The following COL16A1 variants were observed in gnomAD, a reference collection of about 807,000 sequenced individuals.
COL16A1 encodes collagen alpha-1(XVI) chain.
Under a neutral mutation model 266.3 loss-of-function variants are expected in COL16A1, and 189 were observed. The observed-to-expected ratio is 0.71, with a 90% CI of 0.63 to 0.80. The LOEUF is 0.80. Ranked by LOEUF, COL16A1 falls within the 30% of genes least tolerant of loss-of-function variation. The pLI, the probability that COL16A1 is intolerant of heterozygous loss-of-function variation, is 0.00. For synonymous variants in COL16A1, 740 were observed against 782.3 expected, an observed-to-expected ratio of 0.95 and a Z score of 0.90; for missense variants, 1,928 against 2,122.4, an observed-to-expected ratio of 0.91 and a Z score of 1.80.
intron 39 of COL16A1, 87 bp downstream of exon 39, chr1:31,680,818 T>C: frequency 6.2e-7 from 1 of 1,604,954 alleles, no homozygotes; most frequent in Non-Finnish European, 8.5e-7. Context: ...GAGGGGCTGC[T>C]AATCCCCCAG....
intron 37 of COL16A1, 68 bp from the exon 38 acceptor site, chr1:31,681,135 A>G: frequency 6.5e-7 from 1 of 1,543,794 alleles, no homozygotes; most frequent in African/African-American, 1.4e-5. Flanking sequence ...CCTGCTGCAG[A>G]AAAGGGGTGT....
chr1:31,691,420 G>C lies in COL16A1; in HGVS notation c.1395C>G (p.Thr465=), dbSNP rs2148806329. 1.2e-6 allele frequency: 2 copies of C among 1,609,906 alleles called. No individual in the cohort carries two copies. Among genetic ancestry groups the C allele is most frequent in the Middle Eastern group, 1.7e-4 (1 of 6,036 alleles). ...PGPPGIGLPG[T]PGDPGGPPGP... is the part of the protein sequence containing the mutation. ...GGAGAAGCAAGGGGGTACTCACCGG[G>C]GTCCCAGGCAGTCCTATCCCAGGGG... The change falls in exon 19 of 71, where the codon ACC becomes ACG. Residue 465 remains threonine (T), a synonymous_variant. Transcript: ENST00000373672.
At chr1:31,686,485 C>T (rs985565015) in intron 26 of COL16A1, 1 of 729,786 alleles carries the variant, frequency 1.4e-6, no homozygotes, top group African/African-American at 1.7e-5. Flanking sequence ...CCCAGCTTCA[C>T]CTCATGGAAT....
In COL16A1 at chr1:31,663,292, T is replaced by A. The variant is rs1248823117; in HGVS notation, c.3556-634A>T. Reference sequence around the variant, plus strand: ...GGGAGCAGTTCCCTCTGGCTGGGGATCAGGGAAAGTGTCACAGAAGTGTCA... The same window carrying A: ...GGGAGCAGTTCCCTCTGGCTGGGGAACAGGGAAAGTGTCACAGAAGTGTCA... On this transcript the variant is annotated intron_variant, in intron 56 of 70. Transcript: ENST00000373672. The surrounding 1 kb of genome is among the most constrained non-coding windows in gnomAD (Gnocchi z 4.9). 1 of 152,880 alleles carries A rather than the reference T, an allele frequency of 6.5e-6. No homozygotes were observed. The highest frequency in any genetic ancestry group is 1.5e-5 in the Non-Finnish European group (1 of 68,626). The allele number at this position is 152,880 out of a possible 1,614,324, so 9.5% of individuals were successfully genotyped here.
intron 67 of COL16A1, 33 bp downstream of exon 67, chr1:31,655,281 A>T: frequency 6.2e-7 from 1 of 1,600,718 alleles, no homozygotes; most frequent in Non-Finnish European, 8.5e-7. Context: ...GCTCTATGGG[A>T]CAGTGCCCAC....
chr1:31,672,530 G>C, intron 46 of COL16A1, 28 bp from the exon 47 acceptor site: 1 of 1,613,980 alleles, frequency 6.2e-7, no homozygotes, highest in Non-Finnish European at 8.5e-7. Context: ...CGGTGATAGT[G>C]AGCAGTCAGG....
rs116832705 is a variant in COL16A1 at position 31,657,689 on chromosome 1, G to A, written c.4021-621C>T. ...CTGCTGCCCCCCAGAAAAAGTCTGC[G>A]TTGATGGAAAGCATCCTGATGGGTC... On this transcript the variant is annotated intron_variant, in intron 64 of 70. Coordinates refer to ENST00000373672, the MANE Select transcript of COL16A1 (RefSeq NM_001856.4). The surrounding 1 kb of genome is among the most constrained non-coding windows in gnomAD (Gnocchi z 6.4). Among the ~76,000 whole-genome samples, 282 of 152,340 alleles carry A rather than the reference G, an allele frequency of 1.9e-3. 2 individuals are homozygous for A. The highest frequency in any genetic ancestry group is 6.4e-3 in the African/African-American group (268 of 41,570).
At chr1:31,692,129 C>G (rs1644298766) in intron 16 of COL16A1, 62 bp from the exon 17 acceptor site, 1 of 1,610,348 alleles carries the variant, frequency 6.2e-7, no homozygotes, top group South Asian at 1.1e-5. Flanking sequence ...CTGGGCAGCT[C>G]CATCTGGTGG....
intron 1 of COL16A1, among the ~76,000 whole-genome samples, chr1:31,703,556 G>T (rs1481305624): frequency 1.3e-5 from 2 of 152,146 alleles, no homozygotes; most frequent in Non-Finnish European, 2.9e-5. Context: ...TCCCCTTCCG[G>T]CTCCTAGTCT....
intron 37 of COL16A1, among the ~76,000 whole-genome samples, chr1:31,682,158 T>C (rs910234416): frequency 1.1e-4 from 16 of 152,246 alleles, no homozygotes; most frequent in African/African-American, 3.6e-4. Context: ...AGCGGGTTCA[T>C]GTGGAGTAGA....
Position 31,668,926 on chromosome 1 carries a change from GC to G in COL16A1, c.3196-72del. The G allele has an allele frequency of 7.3e-7, 1 of 1,373,748 alleles. No homozygotes were observed. The highest frequency in any genetic ancestry group is 1.0e-6 in the Non-Finnish European group (1 of 986,982). The allele number at this position is 1,373,748 out of a possible 1,614,324, so 85.1% of individuals were successfully genotyped here. On this transcript the variant is annotated intron_variant, in intron 49 of 70. Coordinates refer to ENST00000373672, the MANE Select transcript of COL16A1 (RefSeq NM_001856.4). This position sits in a 1 kb window ranked among gnomAD's most constrained non-coding sequence, Gnocchi z 5.8. ...ACCCAGCCCCTGACTCCTTCCCCCT[GC>G]CCCACTGCCTTCTGTTCCCACTCCA...
In COL16A1 at chr1:31,687,812, C is replaced by T. The variant is rs141713263; in HGVS notation, c.1803+655G>A. ...CCCCTGTTAGGGTTGAGTCTGCACA[C>T]ATACTTCAGTGTTTCTCACACTTGA... On this transcript the variant is annotated intron_variant, in intron 26 of 70. Transcript: ENST00000373672. Among the ~76,000 whole-genome samples the T allele has an allele frequency of 1.2e-3, 182 of 152,304 alleles. 1 individual carries two copies. Among genetic ancestry groups the T allele is most frequent in the Middle Eastern group, 0.01 (3 of 294 alleles).
At chr1:31,684,702 G>A (rs956352510) in intron 30 of COL16A1, 72 bp from the exon 31 acceptor site, 2 of 1,607,844 alleles carry the variant, frequency 1.2e-6, no homozygotes, top group Middle Eastern at 1.7e-4. Context: ...GGGACTCGCA[G>A]GCACTCACAC....
chr1:31,698,031 G>T lies in COL16A1; in HGVS notation c.532C>A (p.Arg178Ser), dbSNP rs183118523. The T allele has an allele frequency of 6.3e-5, 102 of 1,613,738 alleles. No homozygotes were observed. The East Asian group carries it at 1.8e-3, about 29-fold the overall frequency. ...CAGTCCACGTGCACAGAGGCCACAC[G>T]TCCAGCCACACTCAGCATCAGCTTG... ...WHKLMLSVAG[R>S]VASVHVDCSS... The change falls in exon 6 of 71, where the codon CGT (arginine) becomes AGT (serine). Residue 178 changes from arginine to serine, a missense_variant. Physicochemically the swap from Arg to Ser is moderately radical, Grantham distance 110 (BLOSUM62 -1). Coordinates refer to ENST00000373672, the MANE Select transcript of COL16A1 (RefSeq NM_001856.4). The surrounding 1 kb of genome is among the most constrained non-coding windows in gnomAD (Gnocchi z 4.1).
intron 31 of COL16A1, 131 bp from the exon 32 acceptor site, chr1:31,684,362 C>G (rs1027623722): frequency 6.9e-7 from 1 of 1,455,520 alleles, no homozygotes; most frequent in African/African-American, 1.4e-5. Context: ...AAACAGGCCC[C>G]TGACACTCCT....
At chr1:31,701,581 T>A (rs1002086908) in intron 2 of COL16A1, 91 of 985,200 alleles carry the variant, frequency 9.2e-5, no homozygotes, top group Non-Finnish European at 1.1e-4. Context: ...ACCCTCTGTC[T>A]CATCCAGAGT....
Position 31,692,587 on chromosome 1 carries a change from C to T in COL16A1, c.1158+11G>A. ...CCACCATCCCTGCCCTATCCCTGGT[C>T]CCACACTCACCAGAGCTCCTGACTC... is the stretch of plus-strand genomic sequence containing the variant. On this transcript the variant is annotated intron_variant, in intron 15 of 70. Coordinates refer to ENST00000373672, the MANE Select transcript of COL16A1 (RefSeq NM_001856.4). The T allele has an allele frequency of 6.2e-7, 1 of 1,614,138 alleles. No individual in the cohort carries two copies. Among genetic ancestry groups the T allele is most frequent in the Non-Finnish European group, 8.5e-7 (1 of 1,180,002 alleles).
chr1:31,666,293 C>T lies in COL16A1; in HGVS notation c.3358-212G>A, dbSNP rs1429249922. The T allele has an allele frequency of 6.9e-6, 4 of 583,504 alleles. No individual in the cohort carries two copies. In the South Asian group the frequency reaches 7.0e-5, roughly 10 times the overall value. 36.1% of individuals were successfully genotyped at this position (583,504 alleles called of 1,614,324 possible). On this transcript the variant is annotated intron_variant, in intron 52 of 70. Coordinates refer to ENST00000373672, the MANE Select transcript of COL16A1 (RefSeq NM_001856.4). ...TAACTCGTCCTGCCACCTCCTGGCTCACTGCAAGCCAGCCAGCAAATGGCT... is the reference window on the plus strand; with the variant it reads ...TAACTCGTCCTGCCACCTCCTGGCTTACTGCAAGCCAGCCAGCAAATGGCT...
chr1:31,684,941 C>A (rs757003746), intron 29 of COL16A1, 85 bp from the exon 30 acceptor site: 2 of 1,603,588 alleles, frequency 1.2e-6, no homozygotes, highest in Non-Finnish European at 1.7e-6. Context: ...GGGCATACAA[C>A]AGTAAACAAA....
Sources: gnomAD v4.1 joint callset for allele counts (sites outside exome capture counted in the v4.1 genomes callset) on GRCh38, gnomAD v4.1.1 for gene constraint, Gnocchi (gnomAD v3.1) non-coding constraint, MANE v1.5 for transcripts, NCBI Gene and HGNC (gene_info 2026-07-23, HGNC 2026-07-21) for gene names.